Variants in AGK observed in about 807,000 individuals in gnomAD.
AGK encodes the protein acylglycerol kinase, mitochondrial.
Under a neutral mutation model 66.4 loss-of-function variants are expected in AGK, and 52 were observed. That is an observed-to-expected ratio of 0.78 (90% CI 0.63 to 0.99). The LOEUF (loss-of-function observed/expected upper bound fraction) is 0.99. Among genes scored for constraint, AGK ranks in the 50% least tolerant of loss-of-function variants. The pLI is 0.00. For missense variants in AGK, 451 were observed against 506.6 expected (o/e 0.89, Z 1.05); for synonymous variants, 182 against 181.1 (o/e 1.00, Z -0.04).
chr7:141,575,352 A>G (rs1433165761), intron 2 of AGK, among the ~76,000 whole-genome samples: 1 of 152,138 alleles, frequency 6.6e-6, no homozygotes, highest in Non-Finnish European at 1.5e-5. Flanking sequence ...TCAATTAGTT[A>G]TTTTCTGGGA....
At chr7:141,586,830 G>A (rs889382729) in intron 2 of AGK, among the ~76,000 whole-genome samples, 3 of 152,044 alleles carry the variant, frequency 2.0e-5, no homozygotes, top group Non-Finnish European at 2.9e-5. Context: ...TGAAGTACAG[G>A]GTCATTTTAT....
At chr7:141,630,848 T>C (rs1797040876) in intron 9 of AGK, among the ~76,000 whole-genome samples, 1 of 152,202 alleles carries the variant, frequency 6.6e-6, no homozygotes, top group African/African-American at 2.4e-5. Flanking sequence ...TGTAAAATCA[T>C]GGCGGAACAA....
rs1445643696 is a variant in AGK at position 141,649,136 on chromosome 7, A to G, written c.976-127A>G. The G allele has an allele frequency of 1.3e-5, 6 of 459,368 alleles. No individual in the cohort carries two copies. The South Asian group carries it at 3.3e-4, about 25-fold the overall frequency. 28.5% of individuals were successfully genotyped at this position (459,368 alleles called of 1,614,324 possible). Reference sequence around the variant, plus strand: ...AGATTGAAAATAGGTTTGGAATTAAATCACTACAAGTAGAGTCCCCTATCT... The same window carrying G: ...AGATTGAAAATAGGTTTGGAATTAAGTCACTACAAGTAGAGTCCCCTATCT... On this transcript the variant is annotated intron_variant, in intron 13 of 15. Coordinates refer to ENST00000649286, the MANE Select transcript of AGK (RefSeq NM_018238.4).
intron 6 of AGK, among the ~76,000 whole-genome samples, chr7:141,613,217 T>G (rs2116959031): frequency 6.6e-6 from 1 of 152,282 alleles, no homozygotes; most frequent in South Asian, 2.1e-4. Context: ...TTACAAAATG[T>G]TTTTAAAGAA....
chr7:141,651,036 G>A (rs1238584438), intron 14 of AGK, among the ~76,000 whole-genome samples: 3 of 152,204 alleles, frequency 2.0e-5, no homozygotes, highest in Non-Finnish European at 2.9e-5. Context: ...GAATCCACGG[G>A]AGTGGGACCC....
At chr7:141,596,706 C>T in intron 4 of AGK, 65 bp downstream of exon 4, 1 of 1,402,550 alleles carries the variant, frequency 7.1e-7, no homozygotes, top group Non-Finnish European at 1.0e-6. Context: ...CACAGACTAT[C>T]AGGCAGCTAG....
intron 2 of AGK, chr7:141,562,047 C>A: frequency 2.2e-6 from 1 of 456,164 alleles, no homozygotes; most frequent in East Asian, 7.0e-5. Flanking sequence ...GGTACCAGCA[C>A]CTGCTGTGGT....
At position 141,649,307 on chromosome 7, in the gene AGK, C is replaced by G. The variant is rs769189627; in HGVS notation, c.1020C>G (p.Ile340Met). 24 of 1,613,548 alleles carry G rather than the reference C, an allele frequency of 1.5e-5. No homozygotes were observed. The highest frequency in any genetic ancestry group is 1.9e-5 in the Non-Finnish European group (22 of 1,179,572). ...FLNICIEPDT[I>M]SKGDFITIGS... ...ATATCTGCATTGAACCTGACACCAT[C>G]AGCAAAGGAGACTTTATAACTATAG... is the stretch of plus-strand genomic sequence containing the variant. The change falls in exon 14 of 16, where the codon ATC (isoleucine) becomes ATG (methionine). Residue 340 changes from isoleucine to methionine, a missense_variant. Physicochemically the swap from Ile to Met is conservative, Grantham distance 10. Transcript: ENST00000649286.
At chr7:141,560,880 T>TCCGC (rs548529479) in intron 2 of AGK, among the ~76,000 whole-genome samples, 2,389 of 147,648 alleles carry the variant, frequency 0.016, 69 homozygotes, top group African/African-American at 0.055. Context: ...CACTGCAAGC[T>TCCGC]CCGCCTCCCG....
intron 2 of AGK, among the ~76,000 whole-genome samples, chr7:141,569,898 T>G (rs889462427): frequency 6.6e-6 from 1 of 152,120 alleles, no homozygotes; most frequent in African/African-American, 2.4e-5. Flanking sequence ...ATAAGAGAAA[T>G]TGTTATACCA....
chr7:141,557,026 A>G (rs1395264681), intron 2 of AGK, among the ~76,000 whole-genome samples: 3 of 152,216 alleles, frequency 2.0e-5, no homozygotes, highest in African/African-American at 7.2e-5. Flanking sequence ...GAGATTAAGG[A>G]CTACATTTTA....
At position 141,641,754 on chromosome 7, in the gene AGK, G is replaced by C. The variant is rs150566246; in HGVS notation, c.878-57G>C. 1.1e-3 allele frequency: 1,525 copies of C among 1,415,240 alleles called. 3 individuals are homozygous for C. Among genetic ancestry groups the C allele is most frequent in the South Asian group, 1.9e-3 (151 of 81,288 alleles). The allele number at this position is 1,415,240 out of a possible 1,614,324, so 87.7% of individuals were successfully genotyped here. On this transcript the variant is annotated intron_variant, in intron 12 of 15. Coordinates refer to ENST00000649286, the MANE Select transcript of AGK (RefSeq NM_018238.4). ...GAGCAGCTAGCAGCTAGCCGTCCGTGGTGGGTGGTGAAATGTTAATGGAAG... is the reference window on the plus strand; with the variant it reads ...GAGCAGCTAGCAGCTAGCCGTCCGTCGTGGGTGGTGAAATGTTAATGGAAG...
rs150894488 is a variant in AGK at position 141,584,166 on chromosome 7, G to A, written c.102-8980G>A. Among the ~76,000 whole-genome samples, 19 of 152,216 alleles carry A rather than the reference G, an allele frequency of 1.2e-4. No homozygotes were observed. The East Asian group carries it at 2.9e-3, about 23-fold the overall frequency. On this transcript the variant is annotated intron_variant, in intron 2 of 15. Transcript: ENST00000649286. The stretch of plus-strand genomic sequence containing the variant: ...GTCAGCGAAGGGAGATAAGGGTGGG[G>A]CCATTTTATAAGATTTGGGTAGGTA...
intron 1 of AGK, among the ~76,000 whole-genome samples, chr7:141,552,000 G>C (rs909889875): frequency 4.6e-5 from 7 of 152,244 alleles, no homozygotes; most frequent in Admixed American, 1.3e-4. Flanking sequence ...AAATCTAAAT[G>C]ACTGAAATCA....
At chr7:141,604,105 G>C (rs1017955267) in intron 5 of AGK, among the ~76,000 whole-genome samples, 1 of 151,654 alleles carries the variant, frequency 6.6e-6, no homozygotes, top group Non-Finnish European at 1.5e-5. Flanking sequence ...ACATTTAGAA[G>C]GATGAGATTA....
At chr7:141,607,795 T>A (rs1436565415) in intron 5 of AGK, among the ~76,000 whole-genome samples, 2 of 152,116 alleles carry the variant, frequency 1.3e-5, no homozygotes, top group Admixed American at 1.3e-4. Flanking sequence ...TTTTGAAAAG[T>A]GTAAGGTTAG....
intron 2 of AGK, among the ~76,000 whole-genome samples, chr7:141,592,708 G>GT (rs1796147758): frequency 6.6e-6 from 1 of 151,620 alleles, no homozygotes. Context: ...TTGTTTTTTT[G>GT]TTTTTTGTTT....
At chr7:141,625,709 C>G (rs1468523750) in intron 9 of AGK, among the ~76,000 whole-genome samples, 2 of 152,148 alleles carry the variant, frequency 1.3e-5, no homozygotes, top group Non-Finnish European at 2.9e-5. Context: ...GTGGCCACCT[C>G]TTCCTCTCAT....
intron 2 of AGK, among the ~76,000 whole-genome samples, chr7:141,556,540 CAAA>C (rs35273565): frequency 1.1e-4 from 10 of 88,060 alleles, no homozygotes; most frequent in Admixed American, 1.2e-4. Context: ...GACCCTGTCT[CAAA>C]AAAAAAAAAA....
Sources: gnomAD v4.1 joint callset for allele counts (sites outside exome capture counted in the v4.1 genomes callset) on GRCh38, gnomAD v4.1.1 for gene constraint, MANE v1.5 for transcripts, NCBI Gene and HGNC (gene_info 2026-07-23, HGNC 2026-07-21) for gene names.